The following ROBO2 variants were observed in gnomAD, a reference collection of about 807,000 sequenced individuals.
ROBO2 encodes the protein roundabout homolog 2.
Under a neutral mutation model 160.8 loss-of-function variants are expected in ROBO2, and 53 were observed. The observed-to-expected ratio is 0.33, with a 90% CI of 0.26 to 0.41. The LOEUF (loss-of-function observed/expected upper bound fraction) is 0.41, where lower values mean the gene tolerates loss of function less well. Ranked by LOEUF, ROBO2 falls within the 10% of genes least tolerant of loss-of-function variation. The pLI is 1.00. For missense variants in ROBO2, 1,577 were observed against 1,722.4 expected (o/e 0.92, Z 1.49); for synonymous variants, 664 against 611.7 (o/e 1.09, Z -1.26).
chr3:76,417,574 GA>G (rs1392225210), intron 2 of ROBO2, among the ~76,000 whole-genome samples: 11 of 151,918 alleles, frequency 7.2e-5, no homozygotes, highest in Non-Finnish European at 1.3e-4. Flanking sequence ...TAAATGGCAT[GA>G]AAAAAAGGAG....
intron 2 of ROBO2, among the ~76,000 whole-genome samples, chr3:77,395,053 G>C (rs768535339): frequency 3.3e-5 from 5 of 152,176 alleles, no homozygotes; most frequent in East Asian, 3.9e-4. Context: ...AGTTTCTCTT[G>C]CTATTTGAAT....
chr3:77,217,612 A>T (rs1198386786), intron 2 of ROBO2, among the ~76,000 whole-genome samples: 1 of 152,224 alleles, frequency 6.6e-6, no homozygotes, highest in Non-Finnish European at 1.5e-5. Context: ...AATTAATGGA[A>T]TTATATTTGA....
At chr3:76,118,233 C>A (rs2070562486) in intron 2 of ROBO2, among the ~76,000 whole-genome samples, 1 of 152,178 alleles carries the variant, frequency 6.6e-6, no homozygotes, top group East Asian at 1.9e-4. Context: ...GACTACCAGG[C>A]ACAAATTGAG....
chr3:77,506,194 T>A (rs1383262871), intron 5 of ROBO2, among the ~76,000 whole-genome samples: 2 of 152,128 alleles, frequency 1.3e-5, no homozygotes, highest in Non-Finnish European at 2.9e-5. Flanking sequence ...TGGTGACATT[T>A]TGTTTTGTAT....
intron 2 of ROBO2, among the ~76,000 whole-genome samples, chr3:76,216,530 CT>C: frequency 6.6e-6 from 1 of 152,226 alleles, no homozygotes; most frequent in Admixed American, 6.5e-5. Context: ...ATAAAACAGA[CT>C]TTAAACCAAC....
intron 2 of ROBO2, among the ~76,000 whole-genome samples, chr3:76,430,937 T>C (rs2076410455): frequency 6.6e-6 from 1 of 152,054 alleles, no homozygotes; most frequent in African/African-American, 2.4e-5. Flanking sequence ...TTAGTGAAAT[T>C]ATGAAACTCT....
At chr3:76,260,497 ATCATTT>A (rs1576146900) in intron 2 of ROBO2, among the ~76,000 whole-genome samples, 1 of 152,128 alleles carries the variant, frequency 6.6e-6, no homozygotes, top group Non-Finnish European at 1.5e-5. Flanking sequence ...ATATTTCAAG[ATCATTT>A]TCATTTTCAT....
At chr3:76,493,108 C>T (rs565612791) in intron 2 of ROBO2, among the ~76,000 whole-genome samples, 23 of 151,810 alleles carry the variant, frequency 1.5e-4, no homozygotes, top group Non-Finnish European at 3.1e-4. Context: ...ATATGCATAG[C>T]GTTGTGGCTG....
intron 2 of ROBO2, among the ~76,000 whole-genome samples, chr3:76,384,758 G>C (rs1031849977): frequency 2.0e-5 from 3 of 152,096 alleles, no homozygotes; most frequent in African/African-American, 7.2e-5. Flanking sequence ...GATCTTGTGA[G>C]AACTCACTTG....
intron 2 of ROBO2, among the ~76,000 whole-genome samples, chr3:76,748,115 T>C (rs986335011): frequency 8.6e-5 from 13 of 151,948 alleles, no homozygotes; most frequent in Non-Finnish European, 1.5e-4. Flanking sequence ...CCATTCATTA[T>C]TTTTGAAACC....
intron 2 of ROBO2, among the ~76,000 whole-genome samples, chr3:76,851,313 T>A (rs542437625): frequency 1.8e-4 from 27 of 152,324 alleles, no homozygotes; most frequent in Middle Eastern, 6.8e-3. Context: ...GCTACTGTAT[T>A]GGACAGAACA....
chr3:77,373,339 A>G (rs780648256), intron 2 of ROBO2, among the ~76,000 whole-genome samples: 2 of 151,794 alleles, frequency 1.3e-5, no homozygotes, highest in Non-Finnish European at 2.9e-5. Context: ...TAAAAAATAT[A>G]TCAATGATGA....
At chr3:77,618,455 C>T (rs188783093) in intron 22 of ROBO2, among the ~76,000 whole-genome samples, 146 of 152,208 alleles carry the variant, frequency 9.6e-4, no homozygotes, top group African/African-American at 3.0e-3. Flanking sequence ...ATGGGACTAA[C>T]GCTAACAGTT....
intron 2 of ROBO2, among the ~76,000 whole-genome samples, chr3:77,298,597 A>G (rs1246093881): frequency 1.3e-5 from 2 of 152,302 alleles, no homozygotes; most frequent in East Asian, 3.9e-4. Context: ...ATTAAGGGTT[A>G]TTTGTTGCTG....
At chr3:77,280,462 G>T (rs779051915) in intron 2 of ROBO2, among the ~76,000 whole-genome samples, 13 of 152,266 alleles carry the variant, frequency 8.5e-5, no homozygotes, top group Admixed American at 2.0e-4. Context: ...GGCAACTGAG[G>T]ACAGAAGATT....
intron 2 of ROBO2, among the ~76,000 whole-genome samples, chr3:76,402,864 T>G (rs1464755952): frequency 6.6e-6 from 1 of 151,664 alleles, no homozygotes; most frequent in Non-Finnish European, 1.5e-5. Context: ...CCCAGATAAT[T>G]CAGGATAATC....
chr3:76,663,893 A>T (rs1403885830), intron 2 of ROBO2, among the ~76,000 whole-genome samples: 1 of 151,956 alleles, frequency 6.6e-6, no homozygotes, highest in Non-Finnish European at 1.5e-5. Flanking sequence ...ACAAGAGCGA[A>T]ACTCCATCTC....
chr3:77,485,792 A>T (rs1419862371), intron 4 of ROBO2, among the ~76,000 whole-genome samples: 1 of 151,882 alleles, frequency 6.6e-6, no homozygotes, highest in Non-Finnish European at 1.5e-5. Flanking sequence ...ACCAGCTTTT[A>T]TTAAGCCCCA....
intron 1 of ROBO2, among the ~76,000 whole-genome samples, chr3:77,062,504 A>G (rs955544004): frequency 2.6e-5 from 4 of 152,184 alleles, no homozygotes; most frequent in Non-Finnish European, 5.9e-5. Flanking sequence ...ATGTATAGGA[A>G]GAAGGAGTGA....
Sources: gnomAD v4.1 joint callset for allele counts (sites outside exome capture counted in the v4.1 genomes callset) on GRCh38, gnomAD v4.1.1 for gene constraint, MANE v1.5 for transcripts, NCBI Gene and HGNC (gene_info 2026-07-23, HGNC 2026-07-21) for gene names.